The following MYO18B variants were observed in gnomAD, a reference collection of about 807,000 sequenced individuals.
MYO18B encodes the protein unconventional myosin-XVIIIb.
A neutral mutation model predicts 273.0 loss-of-function variants in MYO18B; 204 were observed. The ratio of observed to expected loss-of-function variants is 0.75; its 90% CI spans 0.67 to 0.84. The LOEUF (loss-of-function observed/expected upper bound fraction) is 0.84, where lower values mean the gene tolerates loss of function less well. Ranked by LOEUF, MYO18B falls within the 40% of genes least tolerant of loss-of-function variation. MYO18B has a pLI of 0.00. For synonymous variants in MYO18B, 1,330 were observed against 1,305.7 expected, an observed-to-expected ratio of 1.02 and a Z score of -0.40; for missense variants, 3,212 against 3,287.6, an observed-to-expected ratio of 0.98 and a Z score of 0.56.
intron 12 of MYO18B, among the ~76,000 whole-genome samples, chr22:25,810,000 A>T (rs1488974894): frequency 2.2e-4 from 33 of 147,858 alleles, no homozygotes; most frequent in African/African-American, 7.9e-4. Flanking sequence ...AGAAAGTTTA[A>T]AAAAAAAAAA....
At chr22:26,048,099 C>T in the MYO18B span, among the ~76,000 whole-genome samples, 3 of 152,180 alleles carry the variant, frequency 2.0e-5, no homozygotes, top group African/African-American at 7.2e-5. Flanking sequence ...CTTTAGTCCC[C>T]ACTCACTGTT....
At chr22:25,827,816 A>G (rs1200608150) in intron 14 of MYO18B, among the ~76,000 whole-genome samples, 2 of 152,226 alleles carry the variant, frequency 1.3e-5, no homozygotes, top group African/African-American at 4.8e-5. Flanking sequence ...AGCTGCTTCA[A>G]GGTTTGGGTT....
the MYO18B span, among the ~76,000 whole-genome samples, chr22:26,047,348 A>C: frequency 6.6e-6 from 1 of 151,984 alleles, no homozygotes; most frequent in Non-Finnish European, 1.5e-5. Flanking sequence ...GGATGGTCTC[A>C]ATCTCCTGAC....
chr22:25,847,424 G>C lies in MYO18B; in HGVS notation c.3553-6G>C. ...ACTGGCCCTGACCTCCCTCTATTTG[G>C]TCTAGGATGCGCTGACCAGCATGAT... On this transcript the variant is annotated splice_region_variant and splice_polypyrimidine_tract_variant and intron_variant, in intron 19 of 43. Coordinates refer to ENST00000335473, the MANE Select transcript of MYO18B (RefSeq NM_032608.7). The C allele has an allele frequency of 6.4e-7, 1 of 1,560,442 alleles. No individual in the cohort carries two copies. The highest frequency in any genetic ancestry group is 8.7e-7 in the Non-Finnish European group (1 of 1,151,766).
At chr22:25,898,508 A>T (rs776104226) in intron 29 of MYO18B, 47 bp downstream of exon 29, 1 of 1,596,852 alleles carries the variant, frequency 6.3e-7, no homozygotes, top group South Asian at 1.1e-5. Context: ...GGTGGGCTAC[A>T]TTGGAGCTGG....
At chr22:26,042,851 C>T in the MYO18B span, among the ~76,000 whole-genome samples, 14 of 152,340 alleles carry the variant, frequency 9.2e-5, no homozygotes, top group South Asian at 1.5e-3. Context: ...TTCATGGCAC[C>T]GGACCTTGGT....
chr22:25,850,307 C>A (rs2090387368), intron 20 of MYO18B, among the ~76,000 whole-genome samples: 2 of 152,280 alleles, frequency 1.3e-5, no homozygotes, highest in South Asian at 2.1e-4. Flanking sequence ...AACCTCGAGA[C>A]CTGGAATTTG....
intron 21 of MYO18B, among the ~76,000 whole-genome samples, 188 bp downstream of exon 21, chr22:25,851,767 GTCCAGTGGGCTCATGT>G: frequency 6.6e-6 from 1 of 152,162 alleles, no homozygotes; most frequent in South Asian, 2.1e-4. Context: ...TTTGACTAAG[GTCCAGTGGGCTCATGT>G]TCCATAAGGG....
chr22:25,793,056 G>A (rs577421238), intron 11 of MYO18B, among the ~76,000 whole-genome samples: 1 of 152,304 alleles, frequency 6.6e-6, no homozygotes, highest in East Asian at 1.9e-4. Flanking sequence ...GGGGAACGGT[G>A]TCTCTGGAAG....
chr22:25,968,816 T>C (rs2093006219), intron 39 of MYO18B, among the ~76,000 whole-genome samples: 1 of 152,142 alleles, frequency 6.6e-6, no homozygotes, highest in African/African-American at 2.4e-5. Context: ...CCAGACGACT[T>C]TTAAAGCTCT....
chr22:26,055,642 A>G, the MYO18B span, among the ~76,000 whole-genome samples: 1 of 152,362 alleles, frequency 6.6e-6, no homozygotes, highest in South Asian at 2.1e-4. Flanking sequence ...ATGAGGCAAG[A>G]GGAGAGGCAG....
chr22:25,788,726 TCTC>T (rs770479887), intron 11 of MYO18B, among the ~76,000 whole-genome samples: 5 of 152,072 alleles, frequency 3.3e-5, no homozygotes, highest in Non-Finnish European at 4.4e-5. Context: ...CCTCCTTCCT[TCTC>T]CTCCTAGCCA....
chr22:26,044,962 G>GTAAT, the MYO18B span, among the ~76,000 whole-genome samples: 1 of 152,140 alleles, frequency 6.6e-6, no homozygotes, highest in Non-Finnish European at 1.5e-5. Context: ...CATGGCCCCA[G>GTAAT]TAATTCATCT....
At chr22:25,792,465 C>A (rs1273383650) in intron 11 of MYO18B, among the ~76,000 whole-genome samples, 3 of 144,838 alleles carry the variant, frequency 2.1e-5, no homozygotes, top group Non-Finnish European at 4.5e-5. Flanking sequence ...CCTGTGCGGG[C>A]ACCTATGTGA....
At chr22:25,849,017 C>T (rs905421977) in intron 20 of MYO18B, among the ~76,000 whole-genome samples, 2 of 152,202 alleles carry the variant, frequency 1.3e-5, no homozygotes, top group South Asian at 2.1e-4. Flanking sequence ...AATGATTTTC[C>T]CTCCCACCCG....
Position 25,952,276 on chromosome 22 carries a change from A to G in MYO18B, c.5833-10A>G, listed in dbSNP as rs780968592. 5.0e-6 allele frequency: 8 copies of G among 1,607,612 alleles called. No homozygotes were observed. The East Asian group carries it at 1.8e-4, about 36-fold the overall frequency. On this transcript the variant is annotated splice_polypyrimidine_tract_variant and intron_variant, in intron 37 of 43. Transcript: ENST00000335473. ...AACAGATGTCCAATAGACTTCTCTCATACTTACAGCTGCAGGTGGCTCAGA... is the reference window on the plus strand; with the variant it reads ...AACAGATGTCCAATAGACTTCTCTCGTACTTACAGCTGCAGGTGGCTCAGA...
intron 39 of MYO18B, among the ~76,000 whole-genome samples, chr22:25,971,975 G>A (rs943384523): frequency 3.3e-5 from 5 of 151,768 alleles, no homozygotes; most frequent in Admixed American, 6.6e-5. Context: ...TAGTAGAGAC[G>A]GGGTTTTGCC....
At chr22:26,016,936 AAAT>A in intron 42 of MYO18B, among the ~76,000 whole-genome samples, 1 of 152,288 alleles carries the variant, frequency 6.6e-6, no homozygotes, top group South Asian at 2.1e-4. Flanking sequence ...TTTTTTCTTT[AAAT>A]ATAGAATAAT....
chr22:25,911,078 AGAG>A lies in MYO18B; in HGVS notation c.5364+32_5364+34del, dbSNP rs767299146. ...AAGGGGGAGACATTGGCAGACATTC[AGAG>A]GAGTATCTCAGGGACCTATTTGAGA... On this transcript the variant is annotated intron_variant, in intron 33 of 43. Transcript: ENST00000335473. The A allele has an allele frequency of 3.9e-5, 60 of 1,531,118 alleles. 1 individual carries two copies. In the South Asian group the frequency reaches 6.6e-4, roughly 17 times the overall value. The allele number at this position is 1,531,118 out of a possible 1,614,324, so 94.8% of individuals were successfully genotyped here.
Sources: allele counts gnomAD v4.1 joint callset (sites outside exome capture counted in the v4.1 genomes callset), GRCh38; gene constraint gnomAD v4.1.1; transcripts MANE v1.5; gene names NCBI Gene and HGNC (gene_info 2026-07-23, HGNC 2026-07-21).